TMEM266: variants seen among roughly 807,000 people sequenced by gnomAD.
The protein encoded by TMEM266 is Hv1 related protein 1.
A neutral mutation model predicts 50.5 loss-of-function variants in TMEM266; 33 were observed. The observed-to-expected ratio is 0.65, with a 90% CI of 0.50 to 0.87. TMEM266 has a LOEUF of 0.87. Ranked by LOEUF, TMEM266 falls within the 40% of genes least tolerant of loss-of-function variation. TMEM266 has a pLI of 0.00. For synonymous variants in TMEM266, 310 were observed against 292.3 expected (o/e 1.06, Z -0.62); for missense variants, 655 against 695.1 (o/e 0.94, Z 0.65).
chr15:76,169,958 C>A, intron 6 of TMEM266, 86 bp downstream of exon 6: 1 of 1,438,862 alleles, frequency 6.9e-7, no homozygotes, highest in Non-Finnish European at 9.7e-7. Context: ...CCAGGGTGGA[C>A]ACCATCAAGA....
intron 3 of TMEM266, among the ~76,000 whole-genome samples, chr15:76,154,597 C>T (rs1286903259): frequency 6.6e-6 from 1 of 152,086 alleles, no homozygotes; most frequent in African/African-American, 2.4e-5. Flanking sequence ...GGGTTCACAT[C>T]GACCATCCCC....
At chr15:76,101,334 C>T (rs1323564333) in intron 1 of TMEM266, among the ~76,000 whole-genome samples, 2 of 152,174 alleles carry the variant, frequency 1.3e-5, no homozygotes, top group Non-Finnish European at 2.9e-5. Flanking sequence ...TATTTACAGG[C>T]ACAGAGGTTA....
At chr15:76,136,889 C>T (rs930484189) in intron 2 of TMEM266, among the ~76,000 whole-genome samples, 2 of 152,150 alleles carry the variant, frequency 1.3e-5, no homozygotes, top group African/African-American at 4.8e-5. Context: ...GTCATGGTGG[C>T]AACCAAAAAT....
intron 8 of TMEM266, chr15:76,181,319 T>C (rs1403940313): frequency 6.6e-6 from 1 of 152,214 alleles, no homozygotes; most frequent in Non-Finnish European, 1.5e-5. Flanking sequence ...CTCATTCCTA[T>C]GATCTCTTCT....
chr15:76,200,109 CAT>C (rs2038721864), intron 9 of TMEM266, among the ~76,000 whole-genome samples: 1 of 152,158 alleles, frequency 6.6e-6, no homozygotes, highest in African/African-American at 2.4e-5. Flanking sequence ...GGGCTCAATA[CAT>C]GGCAGAGGGT....
intron 10 of TMEM266, among the ~76,000 whole-genome samples, chr15:76,203,036 T>C (rs1025519579): frequency 6.6e-6 from 1 of 152,060 alleles, no homozygotes; most frequent in African/African-American, 2.4e-5. Flanking sequence ...CTCCACAACT[T>C]TGGGGAGAAA....
At chr15:76,193,156 C>G (rs943437709) in intron 9 of TMEM266, among the ~76,000 whole-genome samples, 3 of 152,212 alleles carry the variant, frequency 2.0e-5, no homozygotes, top group African/African-American at 7.2e-5. Context: ...ACAGGACTTA[C>G]GAGGAACCGA....
In TMEM266 at chr15:76,160,785, GCTAGTAGAGA is replaced by G. The variant is rs1188485761; in HGVS notation, c.456+619_456+628del. 1.3e-5 allele frequency among the ~76,000 whole-genome samples: 2 copies of G among 152,172 alleles called. No individual in the cohort carries two copies. Among genetic ancestry groups the G allele is most frequent in the African/African-American group, 4.8e-5 (2 of 41,446 alleles). On this transcript the variant is annotated intron_variant, in intron 5 of 10. Transcript: ENST00000388942. The surrounding 1 kb of genome is among the most constrained non-coding windows in gnomAD (Gnocchi z 5.7). ...ATCGCCGTCAGCGTTGCTGGAGTCG[GCTAGTAGAGA>G]CCAAGTGCGAATCTCTGTGGTGAGG... is the stretch of plus-strand genomic sequence containing the variant.
chr15:76,127,921 A>G (rs2037449177), intron 1 of TMEM266, among the ~76,000 whole-genome samples: 2 of 152,170 alleles, frequency 1.3e-5, no homozygotes, highest in Non-Finnish European at 1.5e-5. Context: ...CAGACATACT[A>G]AATTAGAAAT....
chr15:76,072,297 G>A (rs1016213875), intron 1 of TMEM266, among the ~76,000 whole-genome samples: 9 of 152,020 alleles, frequency 5.9e-5, no homozygotes, highest in Non-Finnish European at 1.2e-4. Flanking sequence ...AATTAGCAGG[G>A]TGTGGTGGTG....
At chr15:76,065,732 T>A (rs1433720399) in intron 1 of TMEM266, among the ~76,000 whole-genome samples, 3 of 152,120 alleles carry the variant, frequency 2.0e-5, no homozygotes, top group African/African-American at 7.2e-5. Flanking sequence ...TATTTTTTTT[T>A]ATCATATAAC....
intron 3 of TMEM266, among the ~76,000 whole-genome samples, chr15:76,140,581 G>A (rs373817656): frequency 6.6e-6 from 1 of 152,128 alleles, no homozygotes; most frequent in Non-Finnish European, 1.5e-5. Flanking sequence ...CCCGCTGCCC[G>A]CCTCCCAGTG....
At chr15:76,154,585 CG>C (rs2037895678) in intron 3 of TMEM266, among the ~76,000 whole-genome samples, 1 of 151,992 alleles carries the variant, frequency 6.6e-6, no homozygotes, top group Non-Finnish European at 1.5e-5. Context: ...TTGGACCATG[CG>C]GGGTTCACAT....
At chr15:76,186,888 G>A (rs2038497266) in intron 8 of TMEM266, among the ~76,000 whole-genome samples, 1 of 152,102 alleles carries the variant, frequency 6.6e-6, no homozygotes, top group Non-Finnish European at 1.5e-5. Flanking sequence ...GCTCTGCCTG[G>A]TGGGGCCCCA....
intron 1 of TMEM266, among the ~76,000 whole-genome samples, chr15:76,119,978 T>C (rs1175779670): frequency 6.6e-6 from 1 of 152,240 alleles, no homozygotes; most frequent in Admixed American, 6.5e-5. Context: ...ACAGCCACCC[T>C]TCAGAGCTTG....
intron 1 of TMEM266, among the ~76,000 whole-genome samples, chr15:76,063,187 C>T (rs1361966269): frequency 1.3e-5 from 2 of 152,158 alleles, no homozygotes; most frequent in Non-Finnish European, 2.9e-5. Flanking sequence ...CTGTCGTGTG[C>T]TGTGTCCTGT....
chr15:76,068,646 G>T (rs1207870225), intron 1 of TMEM266, among the ~76,000 whole-genome samples: 1 of 152,164 alleles, frequency 6.6e-6, no homozygotes, highest in East Asian at 1.9e-4. Context: ...TCTCTCTCCT[G>T]CTTCCATGTG....
chr15:76,116,520 A>C (rs1333861139), intron 1 of TMEM266, among the ~76,000 whole-genome samples: 6 of 148,790 alleles, frequency 4.0e-5, no homozygotes, highest in African/African-American at 1.2e-4. Context: ...CCCTCTCCTC[A>C]CTAATGAATC....
At position 76,175,610 on chromosome 15, in the gene TMEM266, A is replaced by G; in HGVS notation, c.704A>G (p.Glu235Gly). ...ATGGAGATGGTTATCCAGCAGTACG[A>G]GAAGGCCAAGGTCATCCAAGACGAG... is the stretch of plus-strand genomic sequence containing the variant. The part of the protein sequence containing the change: ...QYEKAKVIQD[E>G]QLERLTQICQ... The change falls in exon 8 of 11, where the codon GAG becomes GGG. Residue 235 changes from glutamate to glycine, a missense_variant. Glu to Gly is a moderately conservative substitution (Grantham distance 98). This residue lies in a region of TMEM266 where 455 missense variants were observed against 401.8 expected (regional missense o/e 1.13). Coordinates refer to ENST00000388942, the MANE Select transcript of TMEM266 (RefSeq NM_152335.3). The G allele has an allele frequency of 6.2e-7, 1 of 1,614,200 alleles. No individual in the cohort carries two copies. The highest frequency in any genetic ancestry group is 8.5e-7 in the Non-Finnish European group (1 of 1,180,018).
Sources: gnomAD v4.1 joint callset for allele counts (sites outside exome capture counted in the v4.1 genomes callset) on GRCh38, gnomAD v4.1.1 for gene constraint, gnomAD v4.1.1 regional missense constraint, Gnocchi (gnomAD v3.1) non-coding constraint, MANE v1.5 for transcripts, NCBI Gene and HGNC (gene_info 2026-07-23, HGNC 2026-07-21) for gene names.